The following FIG4 variants were observed in gnomAD, a reference collection of about 807,000 sequenced individuals.
FIG4 encodes FIG4 phosphoinositide 5-phosphatase.
In FIG4, 112 loss-of-function variants were observed where a neutral mutation model predicts 118.6. That is an observed-to-expected ratio of 0.94 (90% CI 0.81 to 1.11). FIG4 has a LOEUF of 1.11. Among genes scored for constraint, FIG4 ranks in the 50% least tolerant of loss-of-function variants. FIG4 has a pLI of 0.00. For synonymous variants in FIG4, 369 were observed against 381.2 expected (o/e 0.97, Z 0.37); for missense variants, 969 against 1,111.7 (o/e 0.87, Z 1.83).
chr6:109,792,526 T>TA, intron 20 of FIG4, 56 bp from the exon 21 acceptor site: 1 of 986,100 alleles, frequency 1.0e-6, no homozygotes, highest in South Asian at 1.4e-5. Flanking sequence ...AAATTATTGA[T>TA]ATGCTATATG....
At chr6:109,810,714 C>G (rs985494330) in intron 22 of FIG4, among the ~76,000 whole-genome samples, 1 of 152,180 alleles carries the variant, frequency 6.6e-6, no homozygotes, top group African/African-American at 2.4e-5. Flanking sequence ...GCAAAGAGTC[C>G]TTGCCACAAA....
At chr6:109,791,872 G>A (rs1006089533) in intron 20 of FIG4, among the ~76,000 whole-genome samples, 2 of 152,114 alleles carry the variant, frequency 1.3e-5, no homozygotes, top group African/African-American at 4.8e-5. Flanking sequence ...CTCTTACTGG[G>A]CACATTGTTG....
At chr6:109,790,954 G>A (rs1018822870) in intron 19 of FIG4, among the ~76,000 whole-genome samples, 3 of 152,066 alleles carry the variant, frequency 2.0e-5, no homozygotes, top group Admixed American at 6.5e-5. Flanking sequence ...ATTTATAGGC[G>A]GGAGAGAAAT....
At chr6:109,741,405 C>A in intron 7 of FIG4, 39 bp from the exon 8 acceptor site, 1 of 1,217,080 alleles carries the variant, frequency 8.2e-7, no homozygotes, top group Non-Finnish European at 1.2e-6. Flanking sequence ...TCTTATGTGA[C>A]AGTCATGAAT....
intron 5 of FIG4, 34 bp downstream of exon 5, chr6:109,732,721 A>C: frequency 7.7e-7 from 1 of 1,303,036 alleles, no homozygotes; most frequent in Non-Finnish European, 1.1e-6. Flanking sequence ...CCTATCAATC[A>C]CATAAACTTT....
chr6:109,701,942 A>G (rs771380311), intron 1 of FIG4, among the ~76,000 whole-genome samples: 27 of 152,210 alleles, frequency 1.8e-4, no homozygotes, highest in Non-Finnish European at 3.1e-4. Context: ...TCCCCAGAGT[A>G]AAGCCCTGAA....
chr6:109,704,886 A>T (rs1483877222), intron 1 of FIG4, among the ~76,000 whole-genome samples: 1 of 152,134 alleles, frequency 6.6e-6, no homozygotes, highest in East Asian at 1.9e-4. Flanking sequence ...AAATTGGAAT[A>T]TAAATTGTAC....
intron 14 of FIG4, 86 bp downstream of exon 14, chr6:109,765,247 C>T (rs1242224490): frequency 6.7e-6 from 7 of 1,049,900 alleles, no homozygotes; most frequent in Non-Finnish European, 1.0e-5. Flanking sequence ...GAAAGCGTTT[C>T]TACTTTTAGC....
chr6:109,742,297 T>C (rs1776349202), intron 8 of FIG4, among the ~76,000 whole-genome samples: 2 of 152,068 alleles, frequency 1.3e-5, no homozygotes, highest in South Asian at 4.1e-4. Context: ...GCCCTCTTTG[T>C]CTTTTTTGCC....
rs111288157 is a variant in FIG4, at chr6:109,726,642, A to G, written c.290-467A>G. On this transcript the variant is annotated intron_variant, in intron 3 of 22. Transcript: ENST00000230124. ...TAAAGTAGTTTTTTCTAATTCTGCA[A>G]AGAAAGTCAATGGTAGCTTGATGAG... Among the ~76,000 whole-genome samples, 1,233 of 152,306 alleles carry G rather than the reference A, an allele frequency of 8.1e-3. 27 individuals are homozygous for G. The highest frequency in any genetic ancestry group is 0.026 in the African/African-American group (1,093 of 41,552).
At chr6:109,721,879 G>GTAGAATGAT (rs1343780443) in intron 3 of FIG4, among the ~76,000 whole-genome samples, 1 of 152,178 alleles carries the variant, frequency 6.6e-6, no homozygotes, top group East Asian at 1.9e-4. Flanking sequence ...GAAGGGAAGT[G>GTAGAATGAT]TAGAATGATA....
At chr6:109,811,390 G>A (rs1044183377) in intron 22 of FIG4, among the ~76,000 whole-genome samples, 4 of 152,148 alleles carry the variant, frequency 2.6e-5, no homozygotes, top group Non-Finnish European at 5.9e-5. Flanking sequence ...CAATGTGATG[G>A]AGAGCATCTT....
intron 16 of FIG4, among the ~76,000 whole-genome samples, chr6:109,781,779 T>TTTTTTTTTTTTTTTTTTTAG (rs1554307140): frequency 6.9e-6 from 1 of 145,878 alleles, no homozygotes. Flanking sequence ...TCTTCAGATT[T>TTTTTTTTTTTTTTTTTTTAG]AATCAGTTGA....
At chr6:109,764,070 T>C (rs1777198824) in intron 13 of FIG4, 88 bp downstream of exon 13, 2 of 828,020 alleles carry the variant, frequency 2.4e-6, no homozygotes, top group Non-Finnish European at 4.1e-6. Context: ...GAAAGACCTG[T>C]ATCTTATTTA....
intron 18 of FIG4, among the ~76,000 whole-genome samples, chr6:109,788,673 G>A (rs73762799): frequency 0.011 from 1,694 of 152,308 alleles, 39 homozygotes; most frequent in African/African-American, 0.039. Context: ...ACGATCAATT[G>A]TGTATGTTCA....
intron 16 of FIG4, among the ~76,000 whole-genome samples, chr6:109,779,363 G>T (rs905230031): frequency 2.6e-5 from 4 of 152,134 alleles, no homozygotes; most frequent in Non-Finnish European, 4.4e-5. Flanking sequence ...AAAGGCAGGT[G>T]GTTTGAGAGT....
intron 16 of FIG4, among the ~76,000 whole-genome samples, chr6:109,779,812 A>G (rs1046182105): frequency 6.6e-6 from 1 of 152,248 alleles, no homozygotes; most frequent in African/African-American, 2.4e-5. Flanking sequence ...CAACAGGACA[A>G]GAGCACAGAG....
chr6:109,755,134 G>T (rs1583687802), intron 10 of FIG4, among the ~76,000 whole-genome samples: 1 of 151,990 alleles, frequency 6.6e-6, no homozygotes, highest in East Asian at 1.9e-4. Context: ...CTGGTATGTT[G>T]TGTCTTTGTT....
intron 22 of FIG4, among the ~76,000 whole-genome samples, chr6:109,808,829 GAACAA>G (rs1174480123): frequency 6.6e-6 from 1 of 152,098 alleles, no homozygotes; most frequent in African/African-American, 2.4e-5. Context: ...CTACCACCGT[GAACAA>G]TACTTAAGAT....
Sources: gnomAD v4.1 joint callset for allele counts (sites outside exome capture counted in the v4.1 genomes callset) on GRCh38, gnomAD v4.1.1 for gene constraint, MANE v1.5 for transcripts, NCBI Gene and HGNC (gene_info 2026-07-23, HGNC 2026-07-21) for gene names.